The following CAMK4 variants were observed in gnomAD, a reference collection of about 807,000 sequenced individuals.
CAMK4 encodes calcium/calmodulin-dependent protein kinase type IV.
In CAMK4, 22 loss-of-function variants were observed where a neutral mutation model predicts 44.9. The observed-to-expected ratio is 0.49, with a 90% CI of 0.35 to 0.70. The LOEUF is 0.70. Among genes scored for constraint, CAMK4 ranks in the 30% least tolerant of loss-of-function variants. The pLI is 0.01. For synonymous variants in CAMK4, 218 were observed against 215.4 expected (o/e 1.01, Z -0.11); for missense variants, 498 against 586.8 (o/e 0.85, Z 1.56).
chr5:111,272,809 A>G (rs1396552588), intron 1 of CAMK4, among the ~76,000 whole-genome samples: 1 of 152,174 alleles, frequency 6.6e-6, no homozygotes, highest in African/African-American at 2.4e-5. Flanking sequence ...CCTTGTCTCT[A>G]TACAGAGTGT....
At chr5:111,350,476 A>T (rs1346710176) in intron 2 of CAMK4, among the ~76,000 whole-genome samples, 1 of 152,036 alleles carries the variant, frequency 6.6e-6, no homozygotes, top group East Asian at 1.9e-4. Context: ...AATAAAATGT[A>T]ATGTGGCACA....
intron 7 of CAMK4, among the ~76,000 whole-genome samples, chr5:111,466,943 T>A (rs1052711909): frequency 3.3e-5 from 5 of 152,162 alleles, no homozygotes. Flanking sequence ...GACTTTATAC[T>A]GTAAGGCCTT....
chr5:111,271,834 T>G (rs1273622243), intron 1 of CAMK4, among the ~76,000 whole-genome samples: 1 of 152,148 alleles, frequency 6.6e-6, no homozygotes. Flanking sequence ...GTCCTCTAAG[T>G]GTGCCATAAA....
At chr5:111,285,042 G>A (rs558286076) in intron 1 of CAMK4, among the ~76,000 whole-genome samples, 11 of 152,204 alleles carry the variant, frequency 7.2e-5, no homozygotes, top group African/African-American at 2.2e-4. Context: ...CATGCATGGC[G>A]CATATGGAAT....
intron 5 of CAMK4, among the ~76,000 whole-genome samples, chr5:111,443,259 TATATATATATATATATATATAC>T (rs1262959613): frequency 7.1e-5 from 3 of 42,432 alleles, no homozygotes; most frequent in African/African-American, 2.7e-4. Flanking sequence ...TATATATATA[TATATATATATATATATATATAC>T]ACACACACAC....
rs1755238315 is a variant in CAMK4, at chr5:111,476,271, T to TGTTTG, written c.702-2110_702-2109insGTTTG. Among the ~76,000 whole-genome samples, 5 of 127,314 alleles carry TGTTTG rather than the reference T, an allele frequency of 3.9e-5. No individual in the cohort carries two copies. The East Asian group carries it at 1.2e-3, about 30-fold the overall frequency. 83.5% of individuals were successfully genotyped at this position (127,314 alleles called of 152,430 possible). On this transcript the variant is annotated intron_variant, in intron 8 of 10. Transcript: ENST00000282356. ...TGTGTGTGTGTGTGTGTGTGTGTGTTTGTGTGTGTGTGTGTGTGTGTGTTT... is the reference window on the plus strand; with the variant it reads ...TGTGTGTGTGTGTGTGTGTGTGTGTTGTTTGTGTGTGTGTGTGTGTGTGTGTGTTT...
rs888410220 is a variant in CAMK4 at position 111,324,615 on chromosome 5, AC to A, written c.162-19403del. ...GATTCACAAAGCTAGAGATTTTAAC[AC>A]CCCCCTCTCAAAAATTGTTAGAACA... On this transcript the variant is annotated intron_variant, in intron 1 of 10. Coordinates refer to ENST00000282356, the MANE Select transcript of CAMK4 (RefSeq NM_001744.6). Among the ~76,000 whole-genome samples, 143 of 152,056 alleles carry A rather than the reference AC, an allele frequency of 9.4e-4. 1 individual carries two copies. The highest frequency in any genetic ancestry group is 3.1e-3 in the African/African-American group (127 of 41,514).
At chr5:111,310,448 C>A (rs372612840) in intron 1 of CAMK4, among the ~76,000 whole-genome samples, 3 of 152,124 alleles carry the variant, frequency 2.0e-5, no homozygotes, top group South Asian at 4.1e-4. Flanking sequence ...TGATAGAAGG[C>A]CTTGTAAGTC....
intron 1 of CAMK4, among the ~76,000 whole-genome samples, chr5:111,313,053 C>T (rs1246353423): frequency 2.0e-5 from 3 of 152,094 alleles, no homozygotes; most frequent in African/African-American, 7.2e-5. Context: ...CTGTGTTCCT[C>T]AACAGTTTAT....
At chr5:111,383,907 A>G (rs182862471) in intron 4 of CAMK4, among the ~76,000 whole-genome samples, 28 of 152,310 alleles carry the variant, frequency 1.8e-4, no homozygotes, top group Non-Finnish European at 3.4e-4. Context: ...ATGGAAGACT[A>G]TATATGCTAT....
intron 1 of CAMK4, among the ~76,000 whole-genome samples, chr5:111,339,710 G>A (rs903935427): frequency 2.0e-5 from 3 of 151,112 alleles, no homozygotes; most frequent in Non-Finnish European, 4.4e-5. Flanking sequence ...ACTATTTGGG[G>A]TCTTTTGTGA....
chr5:111,319,142 A>G (rs1449485326), intron 1 of CAMK4, among the ~76,000 whole-genome samples: 3 of 152,184 alleles, frequency 2.0e-5, no homozygotes, highest in Non-Finnish European at 4.4e-5. Flanking sequence ...CATGCACACA[A>G]TTAACTACAA....
chr5:111,301,715 C>G (rs1747726113), intron 1 of CAMK4, among the ~76,000 whole-genome samples: 1 of 152,210 alleles, frequency 6.6e-6, no homozygotes, highest in Non-Finnish European at 1.5e-5. Context: ...TACCCTCCCC[C>G]ACTATCATTT....
chr5:111,416,254 A>G (rs1267819396), intron 5 of CAMK4, among the ~76,000 whole-genome samples: 2 of 152,126 alleles, frequency 1.3e-5, no homozygotes, highest in Non-Finnish European at 2.9e-5. Context: ...ATGCACATAT[A>G]TAAACACACA....
At chr5:111,387,635 A>T (rs1751652454) in intron 4 of CAMK4, among the ~76,000 whole-genome samples, 1 of 152,210 alleles carries the variant, frequency 6.6e-6, no homozygotes, top group South Asian at 2.1e-4. Context: ...GATAGTGAAC[A>T]TAGGCAAAAG....
At chr5:111,388,701 G>A (rs919007318) in intron 4 of CAMK4, among the ~76,000 whole-genome samples, 8 of 152,142 alleles carry the variant, frequency 5.3e-5, no homozygotes, top group African/African-American at 1.9e-4. Flanking sequence ...GAAAGCCCAT[G>A]AGTGCAGAGG....
intron 9 of CAMK4, among the ~76,000 whole-genome samples, chr5:111,479,539 G>A (rs918092714): frequency 6.6e-6 from 1 of 152,100 alleles, no homozygotes; most frequent in Non-Finnish European, 1.5e-5. Context: ...GGTCTTAGGA[G>A]GCATCTAGTC....
At chr5:111,473,719 T>C (rs1755144909) in intron 8 of CAMK4, among the ~76,000 whole-genome samples, 1 of 152,250 alleles carries the variant, frequency 6.6e-6, no homozygotes, top group Non-Finnish European at 1.5e-5. Flanking sequence ...GTTTTACTTA[T>C]TTGCATCTTA....
intron 1 of CAMK4, among the ~76,000 whole-genome samples, chr5:111,341,894 A>C (rs1296708834): frequency 6.6e-6 from 1 of 151,312 alleles, no homozygotes; most frequent in Non-Finnish European, 1.5e-5. Flanking sequence ...CCCCAATCCA[A>C]TGCCTTATCT....
Sources: allele counts gnomAD v4.1 joint callset (sites outside exome capture counted in the v4.1 genomes callset), GRCh38; gene constraint gnomAD v4.1.1; transcripts MANE v1.5; gene names NCBI Gene and HGNC (gene_info 2026-07-23, HGNC 2026-07-21).